The following GMDS variants were observed in gnomAD, a reference collection of about 807,000 sequenced individuals.
GMDS encodes GDP-mannose 4,6 dehydratase.
GMDS carries 20 observed loss-of-function variants against 49.9 expected under a neutral mutation model. The ratio of observed to expected loss-of-function variants is 0.40; its 90% CI spans 0.28 to 0.58. GMDS has a LOEUF of 0.58. Among genes scored for constraint, GMDS ranks in the 20% least tolerant of loss-of-function variants. GMDS has a pLI of 0.42. For synonymous variants in GMDS, 177 were observed against 178.6 expected, an observed-to-expected ratio of 0.99 and a Z score of 0.07; for missense variants, 362 against 481.4, an observed-to-expected ratio of 0.75 and a Z score of 2.32.
chr6:1,827,078 ATGTGTG>A (rs111813765), intron 7 of GMDS, among the ~76,000 whole-genome samples: 8,291 of 125,092 alleles, frequency 0.066, 318 homozygotes, highest in African/African-American at 0.11. Context: ...AAAAATATAT[ATGTGTG>A]TGTGTGTGTG....
chr6:1,665,805 A>T (rs1030092075), intron 9 of GMDS, among the ~76,000 whole-genome samples: 2 of 152,212 alleles, frequency 1.3e-5, no homozygotes, highest in Non-Finnish European at 2.9e-5. Flanking sequence ...GTCTGTGTAC[A>T]TATCATCATG....
intron 7 of GMDS, among the ~76,000 whole-genome samples, chr6:1,913,197 C>T (rs915757921): frequency 9.9e-5 from 15 of 151,540 alleles, no homozygotes; most frequent in Admixed American, 4.6e-4. Context: ...CCGGCTAAAA[C>T]GGTGAAACCC....
intron 4 of GMDS, among the ~76,000 whole-genome samples, chr6:2,112,713 A>C (rs948940911): frequency 6.6e-6 from 1 of 152,126 alleles, no homozygotes; most frequent in Non-Finnish European, 1.5e-5. Context: ...CACATCACTA[A>C]AATGTTTCTT....
chr6:2,034,962 AAAG>A (rs1317396736), intron 4 of GMDS, among the ~76,000 whole-genome samples: 4 of 152,156 alleles, frequency 2.6e-5, no homozygotes, highest in South Asian at 2.1e-4. Flanking sequence ...TTGGGGGGAA[AAAG>A]AAGAAGCTGC....
At chr6:2,198,880 T>G (rs1779388099) in intron 1 of GMDS, among the ~76,000 whole-genome samples, 1 of 152,222 alleles carries the variant, frequency 6.6e-6, no homozygotes, top group Non-Finnish European at 1.5e-5. Flanking sequence ...AGACCACAAT[T>G]GGTTAGAATG....
intron 1 of GMDS, among the ~76,000 whole-genome samples, chr6:2,226,982 A>G (rs768741745): frequency 6.6e-6 from 1 of 152,220 alleles, no homozygotes; most frequent in Non-Finnish European, 1.5e-5. Flanking sequence ...CATTTGCTGA[A>G]AAGCAGTGAA....
At chr6:2,212,009 G>T (rs917773936) in intron 1 of GMDS, among the ~76,000 whole-genome samples, 1 of 152,040 alleles carries the variant, frequency 6.6e-6, no homozygotes, top group African/African-American at 2.4e-5. Context: ...TTTAATTACA[G>T]TTCATTCAAG....
At chr6:1,703,207 G>A (rs577542969) in intron 9 of GMDS, among the ~76,000 whole-genome samples, 1 of 152,160 alleles carries the variant, frequency 6.6e-6, no homozygotes, top group Non-Finnish European at 1.5e-5. Context: ...AAAGTGAGCT[G>A]GGGTAAATGG....
chr6:1,854,793 C>T (rs941434133), intron 7 of GMDS, among the ~76,000 whole-genome samples: 2 of 152,126 alleles, frequency 1.3e-5, no homozygotes, highest in Admixed American at 6.5e-5. Context: ...AGAGGAGATA[C>T]CTCAAAATCT....
chr6:1,999,100 T>C (rs1175184587), intron 4 of GMDS, among the ~76,000 whole-genome samples: 1 of 152,092 alleles, frequency 6.6e-6, no homozygotes, highest in Admixed American at 6.5e-5. Flanking sequence ...AAGGCGGCCA[T>C]ATCATGAGGT....
At chr6:2,209,119 C>T (rs1561659130) in intron 1 of GMDS, among the ~76,000 whole-genome samples, 1 of 152,158 alleles carries the variant, frequency 6.6e-6, no homozygotes, top group African/African-American at 2.4e-5. Context: ...ATTAGATAAG[C>T]CCATGACTCC....
At chr6:1,974,101 T>G (rs114595970) in intron 4 of GMDS, among the ~76,000 whole-genome samples, 1 of 151,664 alleles carries the variant, frequency 6.6e-6, no homozygotes, top group African/African-American at 2.4e-5. Context: ...TCTCTTGACC[T>G]CTCTCCTCCA....
intron 9 of GMDS, among the ~76,000 whole-genome samples, chr6:1,667,816 T>C (rs1257516424): frequency 7.0e-6 from 1 of 143,336 alleles, no homozygotes; most frequent in African/African-American, 2.5e-5. Flanking sequence ...TTTTTTTAAA[T>C]GAAAAAAAAT....
chr6:2,064,488 C>T (rs968976882), intron 4 of GMDS, among the ~76,000 whole-genome samples: 3 of 152,146 alleles, frequency 2.0e-5, no homozygotes, highest in Admixed American at 2.0e-4. Context: ...TTGTTTTTGT[C>T]CCTGGGGCTT....
At chr6:2,162,771 G>A (rs764205002) in intron 1 of GMDS, among the ~76,000 whole-genome samples, 4 of 150,524 alleles carry the variant, frequency 2.7e-5, no homozygotes, top group African/African-American at 4.9e-5. Flanking sequence ...GATAAGTAAC[G>A]TCTAAGAAGT....
chr6:1,922,523 C>A (rs764243074), intron 7 of GMDS, among the ~76,000 whole-genome samples: 5 of 152,226 alleles, frequency 3.3e-5, no homozygotes, highest in African/African-American at 4.8e-5. Context: ...CAACTCTACT[C>A]CTGTTTGCCC....
At chr6:2,009,466 A>C (rs1454082355) in intron 4 of GMDS, among the ~76,000 whole-genome samples, 1 of 152,208 alleles carries the variant, frequency 6.6e-6, no homozygotes, top group Non-Finnish European at 1.5e-5. Flanking sequence ...ATTGCTGTCA[A>C]AAGCAGACTA....
intron 9 of GMDS, among the ~76,000 whole-genome samples, chr6:1,626,862 T>G: frequency 6.6e-6 from 1 of 152,200 alleles, no homozygotes; most frequent in East Asian, 1.9e-4. Flanking sequence ...AAAAGAAAAA[T>G]GTTTTTCAAA....
intron 1 of GMDS, among the ~76,000 whole-genome samples, chr6:2,158,905 G>C (rs1460342089): frequency 6.6e-6 from 1 of 152,116 alleles, no homozygotes; most frequent in Non-Finnish European, 1.5e-5. Flanking sequence ...AGCTGTTTTT[G>C]ACAAGTATAC....
Sources: gnomAD v4.1 joint callset for allele counts (sites outside exome capture counted in the v4.1 genomes callset) on GRCh38, gnomAD v4.1.1 for gene constraint, MANE v1.5 for transcripts, NCBI Gene and HGNC (gene_info 2026-07-23, HGNC 2026-07-21) for gene names.